The following ZNF827 variants were observed in gnomAD, a reference collection of about 807,000 sequenced individuals.
The protein encoded by ZNF827 is zinc finger protein 827.
In ZNF827, 13 loss-of-function variants were observed where a neutral mutation model predicts 102.4. The ratio of observed to expected loss-of-function variants is 0.13; its 90% CI spans 0.08 to 0.20. ZNF827 has a LOEUF of 0.20. Among genes scored for constraint, ZNF827 ranks in the 10% least tolerant of loss-of-function variants. The probability of loss-of-function intolerance (pLI) is 1.00; values close to 1 mark genes in which losing one functional copy is unlikely to be tolerated. For synonymous variants in ZNF827, 523 were observed against 536.2 expected (o/e 0.98, Z 0.34); for missense variants, 1,103 against 1,344.4 (o/e 0.82, Z 2.81).
chr4:145,793,489 G>T (rs1740040720), intron 8 of ZNF827, among the ~76,000 whole-genome samples: 1 of 151,186 alleles, frequency 6.6e-6, no homozygotes, highest in Admixed American at 6.6e-5. Flanking sequence ...CATCCAGCAT[G>T]GGAGAAAGAT....
chr4:145,915,725 C>T (rs1436107470), intron 1 of ZNF827, among the ~76,000 whole-genome samples: 1 of 152,176 alleles, frequency 6.6e-6, no homozygotes, highest in African/African-American at 2.4e-5. Flanking sequence ...TCATCATCAA[C>T]TCAAAAATCC....
At chr4:145,803,754 A>C (rs1741146325) in intron 8 of ZNF827, among the ~76,000 whole-genome samples, 1 of 152,192 alleles carries the variant, frequency 6.6e-6, no homozygotes, top group African/African-American at 2.4e-5. Flanking sequence ...TGAGCCAGTA[A>C]TGATTTCCCA....
intron 5 of ZNF827, among the ~76,000 whole-genome samples, chr4:145,868,619 CT>C (rs1405723550): frequency 1.3e-5 from 2 of 152,330 alleles, no homozygotes; most frequent in East Asian, 3.9e-4. Flanking sequence ...TGATTCCACA[CT>C]TGTGTCTCAA....
intron 1 of ZNF827, among the ~76,000 whole-genome samples, chr4:145,919,692 T>A (rs922641326): frequency 2.6e-5 from 4 of 152,228 alleles, no homozygotes; most frequent in African/African-American, 9.6e-5. Context: ...AAGTAGGGTA[T>A]TAATACTGCT....
At chr4:145,782,515 G>A (rs965993375) in intron 8 of ZNF827, among the ~76,000 whole-genome samples, 3 of 152,168 alleles carry the variant, frequency 2.0e-5, no homozygotes, top group African/African-American at 7.2e-5. Flanking sequence ...CCAGAAGCTG[G>A]TGATCTTATG....
chr4:145,773,342 T>G (rs1736572657), intron 11 of ZNF827, among the ~76,000 whole-genome samples: 1 of 152,184 alleles, frequency 6.6e-6, no homozygotes, highest in Non-Finnish European at 1.5e-5. Flanking sequence ...CTCAATTTAC[T>G]GACAAAAACA....
chr4:145,907,429 G>T (rs1751957575), intron 1 of ZNF827, among the ~76,000 whole-genome samples: 1 of 152,158 alleles, frequency 6.6e-6, no homozygotes. Flanking sequence ...TCTAGAAGAT[G>T]AATTTGCTGG....
At chr4:145,796,440 C>T (rs12501107) in intron 8 of ZNF827, among the ~76,000 whole-genome samples, 50,498 of 151,736 alleles carry the variant, frequency 0.33, 9,834 homozygotes, top group Non-Finnish European at 0.45. Flanking sequence ...GGAAGGGAGA[C>T]CTTATCTGGT....
intron 4 of ZNF827, among the ~76,000 whole-genome samples, chr4:145,873,681 A>G (rs1748904072): frequency 6.6e-6 from 1 of 152,186 alleles, no homozygotes; most frequent in African/African-American, 2.4e-5. Context: ...TGTACTTCCA[A>G]CGTCTACCAG....
intron 1 of ZNF827, among the ~76,000 whole-genome samples, chr4:145,931,462 G>A (rs1193712754): frequency 6.6e-6 from 1 of 152,174 alleles, no homozygotes; most frequent in African/African-American, 2.4e-5. Context: ...GGCCTGGCCT[G>A]GATTTTTTTC....
rs1734258344 is a variant in ZNF827, at chr4:145,759,819, A to C, written c.*1797T>G. 6.6e-6 allele frequency: 1 copy of C among 151,976 alleles called. No individual in the cohort carries two copies. Among genetic ancestry groups the C allele is most frequent in the Non-Finnish European group, 1.5e-5 (1 of 68,008 alleles). 9.4% of individuals were successfully genotyped at this position (151,976 alleles called of 1,614,324 possible). On this transcript the variant is annotated 3_prime_UTR_variant, in exon 15 of 15. Coordinates refer to ENST00000508784, the MANE Select transcript of ZNF827 (RefSeq NM_001306215.2). The stretch of plus-strand genomic sequence containing the variant: ...AACCCCTTTTAATCTCCTTGGCTGG[A>C]TTTATCAACCATAAATTTTTTCACC...
chr4:145,915,443 G>A (rs112283898), intron 1 of ZNF827, among the ~76,000 whole-genome samples: 1,634 of 151,614 alleles, frequency 0.011, 38 homozygotes, highest in African/African-American at 0.038. Flanking sequence ...GCGGAACTCC[G>A]TCTCAAAAAA....
intron 7 of ZNF827, among the ~76,000 whole-genome samples, chr4:145,843,296 C>A (rs1745604464): frequency 6.6e-6 from 1 of 151,502 alleles, no homozygotes; most frequent in Non-Finnish European, 1.5e-5. Context: ...GATTTCTAAA[C>A]ACCATATCAT....
chr4:145,858,397 C>G (rs563045511), intron 5 of ZNF827, among the ~76,000 whole-genome samples: 3 of 152,154 alleles, frequency 2.0e-5, no homozygotes, highest in African/African-American at 7.2e-5. Flanking sequence ...TTTGGGAGGG[C>G]AAAGTGGGAG....
chr4:145,902,130 G>T lies in ZNF827; in HGVS notation c.1093+36C>A, dbSNP rs781775778. ...AAGACATCGCAGTTTATAGTCTAAA[G>T]GACTTACACGATGATTGAAAGAAAA... On this transcript the variant is annotated intron_variant, in intron 2 of 14. Transcript: ENST00000508784. The surrounding 1 kb of genome is among the most constrained non-coding windows in gnomAD (Gnocchi z 4.3). The T allele has an allele frequency of 8.2e-5, 127 of 1,549,746 alleles. No homozygotes were observed. The East Asian group carries it at 2.8e-3, about 35-fold the overall frequency.
At position 145,760,779 on chromosome 4, in the gene ZNF827, TCAGA is replaced by T; in HGVS notation, c.*833_*836del. ...TTTTTGGTACAGAACATGGCTGCCC[TCAGA>T]CAGTCTCTGCTCTTTCTCTCAGTCC... On this transcript the variant is annotated 3_prime_UTR_variant, in exon 15 of 15. Coordinates refer to ENST00000508784, the MANE Select transcript of ZNF827 (RefSeq NM_001306215.2). 8.8e-7 allele frequency: 1 copy of T among 1,132,680 alleles called. No individual in the cohort carries two copies. Among genetic ancestry groups the T allele is most frequent in the Non-Finnish European group, 1.1e-6 (1 of 905,160 alleles). The allele number at this position is 1,132,680 out of a possible 1,614,324, so 70.2% of individuals were successfully genotyped here.
At position 145,761,323 on chromosome 4, in the gene ZNF827, T is replaced by G; in HGVS notation, c.*293A>C. On this transcript the variant is annotated 3_prime_UTR_variant, in exon 15 of 15. Coordinates refer to ENST00000508784, the MANE Select transcript of ZNF827 (RefSeq NM_001306215.2). This position sits in a 1 kb window ranked among gnomAD's most constrained non-coding sequence, Gnocchi z 6.8. ...GTGCAGGTTGAGATTGTCCTTGCGC[T>G]TGCAGCTGTAGCTGCACTGGTCACA... 1 of 1,289,958 alleles carries G rather than the reference T, an allele frequency of 7.8e-7. No homozygotes were observed. 79.9% of individuals were successfully genotyped at this position (1,289,958 alleles called of 1,614,324 possible). A position where few individuals can be genotyped will look rare whatever the true frequency, so the allele number is the denominator to read the frequency against.
chr4:145,902,251 T>C lies in ZNF827; in HGVS notation c.1008A>G (p.Pro336=), dbSNP rs1416189875. ...KVTPPPPPPP[P]PPPPPPPQSL... ...ATTGTGGTGGTGGTGGTGGAGGTGG[T>C]GGAGGTGGCGGTGGAGGTGGCGGAG... The change falls in exon 2 of 15, where the codon CCA becomes CCG. Residue 336 remains proline, a synonymous_variant. Coordinates refer to ENST00000508784, the MANE Select transcript of ZNF827 (RefSeq NM_001306215.2). The surrounding 1 kb of genome is among the most constrained non-coding windows in gnomAD (Gnocchi z 4.3). 18 of 1,569,632 alleles carry C rather than the reference T, an allele frequency of 1.1e-5. No homozygotes were observed. Among genetic ancestry groups the C allele is most frequent in the Admixed American group, 3.5e-5 (2 of 57,438 alleles).
chr4:145,820,792 C>T (rs930689049), intron 8 of ZNF827, among the ~76,000 whole-genome samples: 1 of 152,214 alleles, frequency 6.6e-6, no homozygotes, highest in Non-Finnish European at 1.5e-5. Flanking sequence ...CAATGATTCA[C>T]TAATCTGCTG....
Sources: gnomAD v4.1 joint callset for allele counts (sites outside exome capture counted in the v4.1 genomes callset) on GRCh38, gnomAD v4.1.1 for gene constraint, Gnocchi (gnomAD v3.1) non-coding constraint, MANE v1.5 for transcripts, NCBI Gene and HGNC (gene_info 2026-07-23, HGNC 2026-07-21) for gene names.